IGDCC4: variants seen among roughly 807,000 people sequenced by gnomAD.
IGDCC4 encodes the protein likely ortholog of mouse neighbor of Punc E11.
In IGDCC4, 72 loss-of-function variants were observed where a neutral mutation model predicts 116.6. The ratio of observed to expected loss-of-function variants is 0.62; its 90% CI spans 0.51 to 0.75. IGDCC4 has a LOEUF of 0.75. IGDCC4 is among the 30% of genes least tolerant of loss of function. IGDCC4 has a pLI of 0.00. For missense variants in IGDCC4, 1,501 were observed against 1,662.4 expected, an observed-to-expected ratio of 0.90 and a Z score of 1.69; for synonymous variants, 709 against 719.9, an observed-to-expected ratio of 0.98 and a Z score of 0.24.
chr15:65,415,015 T>A (rs2140238840), intron 1 of IGDCC4, among the ~76,000 whole-genome samples: 1 of 152,362 alleles, frequency 6.6e-6, no homozygotes, highest in African/African-American at 2.4e-5. Flanking sequence ...TTAAAGGCAC[T>A]TTGTAACTAT....
intron 18 of IGDCC4, 150 bp from the exon 19 acceptor site, chr15:65,385,265 A>G (rs945560984): frequency 2.5e-6 from 2 of 811,084 alleles, no homozygotes; most frequent in Non-Finnish European, 3.7e-6. Flanking sequence ...TCTGGGGAGG[A>G]GCATCGAAAG....
intron 18 of IGDCC4, chr15:65,385,392 G>A (rs2091445978): frequency 3.7e-6 from 2 of 542,764 alleles, no homozygotes; most frequent in Non-Finnish European, 6.5e-6. Context: ...AGGGAGGACG[G>A]GTCGGAGTTG....
Position 65,384,408 on chromosome 15 carries a change from C to T in IGDCC4, c.3354G>A (p.Arg1118=), listed in dbSNP as rs996800257. The T allele has an allele frequency of 2.0e-6, 3 of 1,514,380 alleles. No individual in the cohort carries two copies. In the African/African-American group the frequency reaches 4.2e-5, roughly 21 times the overall value. 93.8% of individuals were successfully genotyped at this position (1,514,380 alleles called of 1,614,324 possible). Residue 1118 remains arginine (R), a synonymous_variant, in exon 20 of 20, where the codon AGG becomes AGA. Coordinates refer to ENST00000352385, the MANE Select transcript of IGDCC4 (RefSeq NM_020962.3). This position sits in a 1 kb window ranked among gnomAD's most constrained non-coding sequence, Gnocchi z 4.9. The part of the protein sequence containing the change: ...LVYDAIKGNG[R]KKSPPACRNQ... ...TCCTGCAGGCTGGGGGTGACTTCTTCCTCCCATTGCCCTGATCAGAGCAGA... is the reference window on the plus strand; with the variant it reads ...TCCTGCAGGCTGGGGGTGACTTCTTTCTCCCATTGCCCTGATCAGAGCAGA...
chr15:65,419,774 C>T (rs944546975), intron 1 of IGDCC4, among the ~76,000 whole-genome samples: 22 of 152,108 alleles, frequency 1.4e-4, no homozygotes, highest in African/African-American at 5.1e-4. Context: ...AAGGGAGAGC[C>T]GAGAGCCCCA....
Position 65,410,181 on chromosome 15 carries a change from G to A in IGDCC4, c.560C>T (p.Pro187Leu). The change falls in exon 3 of 20, where the codon CCT (proline) becomes CTT (leucine). Residue 187 changes from proline to leucine, a missense_variant. By Grantham distance (98) the Pro-to-Leu change is moderately conservative. Transcript: ENST00000352385. ...EKDQVTLPEE[P>L]RLIVLPNGVL... Reference sequence around the variant, plus strand: ...CGCTCCCCTACAGGGCACTCACCGAGGCTCCTCAGGCAATGTCACCTGGTC... The same window carrying A: ...CGCTCCCCTACAGGGCACTCACCGAAGCTCCTCAGGCAATGTCACCTGGTC... 1 of 1,612,830 alleles carries A rather than the reference G, an allele frequency of 6.2e-7. No homozygotes were observed. The highest frequency in any genetic ancestry group is 8.5e-7 in the Non-Finnish European group (1 of 1,179,996).
rs559685494 is a variant in IGDCC4, at chr15:65,393,280, G to T, written c.1885+81C>A. ...TCTCTGATGGAGGGCGGGGCCAGGGGGTGGGGCGCTGGGTCCCAAGGACAC... is the reference window on the plus strand; with the variant it reads ...TCTCTGATGGAGGGCGGGGCCAGGGTGTGGGGCGCTGGGTCCCAAGGACAC... On this transcript the variant is annotated intron_variant, in intron 10 of 19. Transcript: ENST00000352385. The surrounding 1 kb of genome is among the most constrained non-coding windows in gnomAD (Gnocchi z 4.6). The T allele has an allele frequency of 9.8e-6, 14 of 1,426,178 alleles. No individual in the cohort carries two copies. In the African/African-American group the frequency reaches 1.4e-4, roughly 15 times the overall value. 88.3% of individuals were successfully genotyped at this position (1,426,178 alleles called of 1,614,324 possible).
At chr15:65,389,493 G>C in intron 13 of IGDCC4, 82 bp from the exon 14 acceptor site, 1 of 1,590,382 alleles carries the variant, frequency 6.3e-7, no homozygotes, top group Non-Finnish European at 8.6e-7. Context: ...CTCCCCTGCA[G>C]TCAGCCCCAG....
Position 65,393,235 on chromosome 15 carries a change from G to C in IGDCC4, c.1885+126C>G. On this transcript the variant is annotated intron_variant, in intron 10 of 19. Transcript: ENST00000352385. This position sits in a 1 kb window ranked among gnomAD's most constrained non-coding sequence, Gnocchi z 4.6. ...CACCTAAGCCTCACTCACCCATCAAGCGGAGGGAGCCATGGAAGGTCTCTG... is the reference window on the plus strand; with the variant it reads ...CACCTAAGCCTCACTCACCCATCAACCGGAGGGAGCCATGGAAGGTCTCTG... 9.8e-7 allele frequency: 1 copy of C among 1,018,504 alleles called. No individual in the cohort carries two copies. The highest frequency in any genetic ancestry group is 1.4e-6 in the Non-Finnish European group (1 of 738,512). The allele number at this position is 1,018,504 out of a possible 1,614,324, so 63.1% of individuals were successfully genotyped here.
At chr15:65,421,790 C>G (rs955928301) in intron 1 of IGDCC4, among the ~76,000 whole-genome samples, 4 of 151,958 alleles carry the variant, frequency 2.6e-5, no homozygotes, top group Admixed American at 2.6e-4. Flanking sequence ...CCCCTCCCAG[C>G]CCTGCCACCT....
intron 3 of IGDCC4, among the ~76,000 whole-genome samples, chr15:65,404,039 A>G (rs764670353): frequency 4.6e-5 from 7 of 152,078 alleles, no homozygotes; most frequent in Non-Finnish European, 8.8e-5. Context: ...CCAAGGTCAG[A>G]GAGGGAAGGG....
chr15:65,414,561 C>A (rs947327401), intron 1 of IGDCC4, among the ~76,000 whole-genome samples: 1 of 152,198 alleles, frequency 6.6e-6, no homozygotes, highest in Non-Finnish European at 1.5e-5. Flanking sequence ...TACCACTAAG[C>A]GTGAAGGAAT....
Position 65,393,493 on chromosome 15 carries a change from G to T in IGDCC4, c.1753C>A (p.Gln585Lys). Residue 585 changes from glutamine (Q) to lysine (K), a missense_variant, in exon 10 of 20, where the codon CAG becomes AAG. Gln to Lys is a moderately conservative substitution (Grantham distance 53). This residue lies in a region of IGDCC4 where 898 missense variants were observed against 978.9 expected (regional missense o/e 0.92). Coordinates refer to ENST00000352385, the MANE Select transcript of IGDCC4 (RefSeq NM_020962.3). This position sits in a 1 kb window ranked among gnomAD's most constrained non-coding sequence, Gnocchi z 4.6. ...GGCTGAAGCGAGTTCAGCATAAGCT[G>T]TGTCTCATTTCCTCGCACCTCAGTA... The part of the protein sequence containing the change: ...FSTEVRGNET[Q>K]LMLNSLQPNK... 6.2e-7 allele frequency: 1 copy of T among 1,608,480 alleles called. No homozygotes were observed.
Position 65,386,034 on chromosome 15 carries a change from T to C in IGDCC4, c.2977A>G (p.Thr993Ala). Residue 993 changes from threonine (T) to alanine (A), a missense_variant, in exon 18 of 20, where the codon ACC (threonine) becomes GCC (alanine). Physicochemically the swap from Thr to Ala is moderately conservative, Grantham distance 58 (BLOSUM62 0). Coordinates refer to ENST00000352385, the MANE Select transcript of IGDCC4 (RefSeq NM_020962.3). ...HRESLPGLSS[T>A]ATPGNPALYS... ...AGCGCGGGATTCCCGGGGGTGGCGG[T>C]GGAGGACAGGCCTGGGAGGGATTCC... The C allele has an allele frequency of 6.5e-7, 1 of 1,540,956 alleles. No homozygotes were observed. The highest frequency in any genetic ancestry group is 8.7e-7 in the Non-Finnish European group (1 of 1,146,976).
At position 65,393,214 on chromosome 15, in the gene IGDCC4, T is replaced by A; in HGVS notation, c.1885+147A>T. On this transcript the variant is annotated intron_variant, in intron 10 of 19. Coordinates refer to ENST00000352385, the MANE Select transcript of IGDCC4 (RefSeq NM_020962.3). The surrounding 1 kb of genome is among the most constrained non-coding windows in gnomAD (Gnocchi z 4.6). The stretch of plus-strand genomic sequence containing the variant: ...GATCCCAGCCCTTCACCTCTGCACC[T>A]AAGCCTCACTCACCCATCAAGCGGA... 1.2e-6 allele frequency: 1 copy of A among 849,090 alleles called. No individual in the cohort carries two copies. Among genetic ancestry groups the A allele is most frequent in the South Asian group, 2.2e-5 (1 of 45,044 alleles). 52.6% of individuals were successfully genotyped at this position (849,090 alleles called of 1,614,324 possible). A position where few individuals can be genotyped will look rare whatever the true frequency, so the allele number is the denominator to read the frequency against.
At position 65,422,821 on chromosome 15, in the gene IGDCC4, C is replaced by A; in HGVS notation, c.42G>T (p.Ala14=). ...GDAGRGRGLL[A]LTFCLLAARG... ...GCGCGGCCAACAGGCAGAAGGTCAA[C>A]GCGAGGAGCCCGCGGCCGCGGCCGG... Residue 14 remains alanine (A), a synonymous_variant, in exon 1 of 20, where the codon GCG becomes GCT. Coordinates refer to ENST00000352385, the MANE Select transcript of IGDCC4 (RefSeq NM_020962.3). 1.6e-6 allele frequency: 2 copies of A among 1,260,560 alleles called. No homozygotes were observed. Among genetic ancestry groups the A allele is most frequent in the Non-Finnish European group, 2.0e-6 (2 of 999,800 alleles). The allele number at this position is 1,260,560 out of a possible 1,614,324, so 78.1% of individuals were successfully genotyped here. A position where few individuals can be genotyped will look rare whatever the true frequency, so the allele number is the denominator to read the frequency against.
intron 16 of IGDCC4, among the ~76,000 whole-genome samples, chr15:65,387,020 T>C (rs551958971): frequency 3.5e-4 from 54 of 152,284 alleles, no homozygotes; most frequent in African/African-American, 1.3e-3. Context: ...TGTCACCACC[T>C]TAAAATTCTA....
At chr15:65,397,068 T>C in intron 5 of IGDCC4, 79 bp from the exon 6 acceptor site, 2 of 1,495,418 alleles carry the variant, frequency 1.3e-6, no homozygotes, top group Non-Finnish European at 9.1e-7. Flanking sequence ...TCAGGAACAC[T>C]CTGCACCCGG....
chr15:65,411,486 G>T, intron 1 of IGDCC4, 116 bp from the exon 2 acceptor site: 1 of 804,362 alleles, frequency 1.2e-6, no homozygotes, highest in Non-Finnish European at 1.9e-6. Context: ...ACCTGCATCT[G>T]GATCCTGGCT....
chr15:65,411,169 C>T lies in IGDCC4; in HGVS notation c.272G>A (p.Gly91Asp), dbSNP rs368799415. 94 of 1,614,072 alleles carry T rather than the reference C, an allele frequency of 5.8e-5. No homozygotes were observed. Among genetic ancestry groups the T allele is most frequent in the Non-Finnish European group, 7.4e-5 (87 of 1,180,038 alleles). Residue 91 changes from glycine to aspartate, a missense_variant, in exon 2 of 20, where the codon GGT becomes GAT. This residue lies in a region of IGDCC4 where 898 missense variants were observed against 978.9 expected (regional missense o/e 0.92). Transcript: ENST00000352385. ...TAGTGGCTGGGACAGCCACAGGGAA[C>T]CATTGGGCAGCAGGTGTAAGTGGTC... is the stretch of plus-strand genomic sequence containing the variant. ...EHDHLHLLPN[G>D]SLWLSQPLAP...
Sources: allele counts gnomAD v4.1 joint callset (sites outside exome capture counted in the v4.1 genomes callset), GRCh38; gene constraint gnomAD v4.1.1; regional missense constraint gnomAD v4.1.1; non-coding constraint Gnocchi (gnomAD v3.1); transcripts MANE v1.5; gene names NCBI Gene and HGNC (gene_info 2026-07-23, HGNC 2026-07-21).